TRAF3: variants seen among roughly 807,000 people sequenced by gnomAD.
TRAF3 encodes the protein TNF receptor-associated factor 3.
Under a neutral mutation model 62.3 loss-of-function variants are expected in TRAF3, and 13 were observed. The observed-to-expected ratio is 0.21, with a 90% confidence interval of 0.14 to 0.33. The LOEUF (loss-of-function observed/expected upper bound fraction) is 0.33. Among genes scored for constraint, TRAF3 ranks in the 10% least tolerant of loss-of-function variants. The pLI is 1.00. For missense variants in TRAF3, 440 were observed against 741.8 expected, an observed-to-expected ratio of 0.59 and a Z score of 4.73; for synonymous variants, 269 against 283.4, an observed-to-expected ratio of 0.95 and a Z score of 0.51.
intron 2 of TRAF3, among the ~76,000 whole-genome samples, chr14:102,834,244 A>G (rs968093199): frequency 3.9e-5 from 6 of 152,144 alleles, no homozygotes; most frequent in Non-Finnish European, 8.8e-5. Flanking sequence ...TACGGGTACA[A>G]AAGCAGACAC....
intron 2 of TRAF3, among the ~76,000 whole-genome samples, chr14:102,868,383 C>T (rs1228176529): frequency 2.0e-5 from 3 of 152,194 alleles, no homozygotes; most frequent in Non-Finnish European, 2.9e-5. Flanking sequence ...CACCTCCCTT[C>T]ACAGCCACTC....
intron 9 of TRAF3, among the ~76,000 whole-genome samples, chr14:102,894,155 C>T (rs1001513994): frequency 6.6e-6 from 1 of 152,004 alleles, no homozygotes; most frequent in African/African-American, 2.4e-5. Flanking sequence ...GGTGAAACCC[C>T]GTCTCTACTA....
intron 1 of TRAF3, among the ~76,000 whole-genome samples, chr14:102,824,142 G>T (rs1383276654): frequency 1.3e-5 from 2 of 152,170 alleles, no homozygotes; most frequent in African/African-American, 4.8e-5. Flanking sequence ...TGCTTTTGCT[G>T]CTTCTTTTAC....
intron 2 of TRAF3, among the ~76,000 whole-genome samples, chr14:102,859,755 A>G (rs574356386): frequency 4.6e-5 from 7 of 152,340 alleles, no homozygotes; most frequent in African/African-American, 1.7e-4. Context: ...CACACAACAC[A>G]TATAAATACA....
chr14:102,845,745 T>C (rs1886666869), intron 2 of TRAF3, among the ~76,000 whole-genome samples: 1 of 151,824 alleles, frequency 6.6e-6, no homozygotes, highest in Admixed American at 6.6e-5. Flanking sequence ...CTTGATCTCC[T>C]GACCTCGTGA....
intron 11 of TRAF3, among the ~76,000 whole-genome samples, chr14:102,904,612 C>G (rs1162158366): frequency 6.7e-6 from 1 of 149,604 alleles, no homozygotes; most frequent in Admixed American, 6.7e-5. Context: ...AGATTGAGAT[C>G]ATCCTGGCTA....
At chr14:102,850,787 A>G (rs1038405946) in intron 2 of TRAF3, among the ~76,000 whole-genome samples, 1 of 151,362 alleles carries the variant, frequency 6.6e-6, no homozygotes, top group African/African-American at 2.4e-5. Context: ...CTCAAAGTGC[A>G]CTGGCATAGG....
intron 1 of TRAF3, among the ~76,000 whole-genome samples, chr14:102,814,532 C>T (rs1210661584): frequency 6.6e-6 from 1 of 151,676 alleles, no homozygotes; most frequent in Non-Finnish European, 1.5e-5. Context: ...TCTTTTTTTC[C>T]CCCCCAAGAC....
chr14:102,812,836 G>A (rs1050726459), intron 1 of TRAF3, among the ~76,000 whole-genome samples: 6 of 151,848 alleles, frequency 4.0e-5, no homozygotes, highest in African/African-American at 1.2e-4. Flanking sequence ...GGAGAATGGC[G>A]TGAACCCAGG....
intron 10 of TRAF3, among the ~76,000 whole-genome samples, chr14:102,900,135 C>T (rs955326461): frequency 1.5e-5 from 2 of 136,208 alleles, no homozygotes; most frequent in South Asian, 4.6e-4. Flanking sequence ...GCCGAGATAG[C>T]GCCGCTGCAG....
chr14:102,887,221 T>A (rs924901850), intron 7 of TRAF3, among the ~76,000 whole-genome samples: 1 of 152,280 alleles, frequency 6.6e-6, no homozygotes, highest in African/African-American at 2.4e-5. Flanking sequence ...CTGGGCTCCC[T>A]GGATGTGTGG....
chr14:102,846,898 C>A (rs1256268188), intron 2 of TRAF3, among the ~76,000 whole-genome samples: 2 of 152,114 alleles, frequency 1.3e-5, no homozygotes, highest in African/African-American at 4.8e-5. Context: ...GATAGAGGCA[C>A]CCAGCCTTTC....
intron 2 of TRAF3, among the ~76,000 whole-genome samples, chr14:102,846,410 G>C (rs1456396836): frequency 6.6e-6 from 1 of 152,112 alleles, no homozygotes; most frequent in Non-Finnish European, 1.5e-5. Flanking sequence ...TATGTAGTAT[G>C]ATTTTGTTAT....
intron 1 of TRAF3, among the ~76,000 whole-genome samples, chr14:102,782,820 A>G (rs1897321824): frequency 1.3e-5 from 2 of 152,112 alleles, no homozygotes; most frequent in Admixed American, 6.6e-5. Flanking sequence ...CAGCTGAAAC[A>G]CTGATTCTGT....
chr14:102,901,240 G>A (rs955371809), intron 10 of TRAF3, among the ~76,000 whole-genome samples: 6 of 152,228 alleles, frequency 3.9e-5, no homozygotes, highest in Admixed American at 6.5e-5. Context: ...GCACAATCGC[G>A]GGGAGGGGTG....
chr14:102,794,814 A>G (rs1897980827), intron 1 of TRAF3, among the ~76,000 whole-genome samples: 1 of 152,178 alleles, frequency 6.6e-6, no homozygotes. Context: ...TTTGGAGTAT[A>G]CCTATTCATA....
intron 1 of TRAF3, among the ~76,000 whole-genome samples, chr14:102,793,211 G>A (rs777288598): frequency 6.6e-6 from 1 of 152,102 alleles, no homozygotes; most frequent in Non-Finnish European, 1.5e-5. Flanking sequence ...GAGTGTAGTG[G>A]TACGATCTTG....
At position 102,891,401 on chromosome 14, in the gene TRAF3, A is replaced by G; in HGVS notation, c.803A>G (p.Asn268Ser). ...GTCAACCTGCTGAAGGAGTGGAGCA[A>G]CTCGCTCGAAAAGAAGGTGGGCTGC... ...QHVNLLKEWS[N>S]SLEKKVSLLQ... The change falls in exon 9 of 12, where the codon AAC (asparagine) becomes AGC (serine). Residue 268 changes from asparagine to serine, a missense_variant. Physicochemically the swap from Asn to Ser is conservative, Grantham distance 46. This residue lies in a region of TRAF3 where 255 missense variants were observed against 424.1 expected (regional missense o/e 0.60). Transcript: ENST00000392745. 2 of 1,612,446 alleles carry G rather than the reference A, an allele frequency of 1.2e-6. No homozygotes were observed. The highest frequency in any genetic ancestry group is 1.7e-6 in the Non-Finnish European group (2 of 1,179,336).
At chr14:102,814,060 A>G (rs189048338) in intron 1 of TRAF3, among the ~76,000 whole-genome samples, 4 of 152,116 alleles carry the variant, frequency 2.6e-5, no homozygotes, top group African/African-American at 9.6e-5. Context: ...TAGGTCTTTG[A>G]TTCATTTTTA....
Sources: allele counts gnomAD v4.1 joint callset (sites outside exome capture counted in the v4.1 genomes callset), GRCh38; gene constraint gnomAD v4.1.1; regional missense constraint gnomAD v4.1.1; transcripts MANE v1.5; gene names NCBI Gene and HGNC (gene_info 2026-07-23, HGNC 2026-07-21).